The following SH3PXD2A variants were observed in gnomAD, a reference collection of about 807,000 sequenced individuals.
The protein encoded by SH3PXD2A is SH3 and PX domain-containing protein 2A.
In SH3PXD2A, 32 loss-of-function variants were observed where a neutral mutation model predicts 115.2. That is an observed-to-expected ratio of 0.28 (90% confidence interval 0.21 to 0.37). The LOEUF (loss-of-function observed/expected upper bound fraction) is 0.37. Among genes scored for constraint, SH3PXD2A ranks in the 10% least tolerant of loss-of-function variants. The probability of loss-of-function intolerance (pLI) is 1.00; values close to 1 mark genes in which losing one functional copy is unlikely to be tolerated. For missense variants in SH3PXD2A, 1,328 were observed against 1,498.7 expected, an observed-to-expected ratio of 0.89 and a Z score of 1.88; for synonymous variants, 610 against 629.1, an observed-to-expected ratio of 0.97 and a Z score of 0.45.
In SH3PXD2A at chr10:103,627,059, T is replaced by A; in HGVS notation, c.718+30A>T. On this transcript the variant is annotated intron_variant, in intron 9 of 14. Coordinates refer to ENST00000369774, the MANE Select transcript of SH3PXD2A (RefSeq NM_001394015.1). The surrounding 1 kb of genome is among the most constrained non-coding windows in gnomAD (Gnocchi z 4.4). ...GAGCTGCCTCCAGAGGCCGCGTTGC[T>A]CCCTGCCCCTTGGACCTGCAAGCCC... is the stretch of plus-strand genomic sequence containing the variant. 7.8e-7 allele frequency: 1 copy of A among 1,288,388 alleles called. No individual in the cohort carries two copies. Among genetic ancestry groups the A allele is most frequent in the Non-Finnish European group, 1.1e-6 (1 of 882,930 alleles). 79.8% of individuals were successfully genotyped at this position (1,288,388 alleles called of 1,614,324 possible). A position where few individuals can be genotyped will look rare whatever the true frequency, so the allele number is the denominator to read the frequency against.
chr10:103,636,033 C>T (rs563868398), intron 8 of SH3PXD2A, among the ~76,000 whole-genome samples: 15 of 152,302 alleles, frequency 9.8e-5, no homozygotes, highest in African/African-American at 2.4e-4. Flanking sequence ...TTCAGTGAAC[C>T]GGCCCAGCAG....
chr10:103,739,912 G>A lies in SH3PXD2A; in HGVS notation c.230-4104C>T, dbSNP rs555522740. ...TGGGGGCCTCCGGTGGGAGTCTGGG[G>A]TTCAAGTCCTACCTGGGCCACAGGC... On this transcript the variant is annotated intron_variant, in intron 3 of 14. Coordinates refer to ENST00000369774, the MANE Select transcript of SH3PXD2A (RefSeq NM_001394015.1). Among the ~76,000 whole-genome samples the A allele has an allele frequency of 1.6e-4, 24 of 152,250 alleles. 1 individual carries two copies. The South Asian group carries it at 4.8e-3, about 30-fold the overall frequency.
At chr10:103,757,614 A>G (rs1422183003) in intron 3 of SH3PXD2A, among the ~76,000 whole-genome samples, 2 of 151,952 alleles carry the variant, frequency 1.3e-5, no homozygotes, top group Non-Finnish European at 2.9e-5. Context: ...GGCTTGGGAG[A>G]CTGATCTACA....
intron 2 of SH3PXD2A, among the ~76,000 whole-genome samples, chr10:103,786,704 G>A (rs1214365628): frequency 2.6e-5 from 4 of 152,110 alleles, no homozygotes; most frequent in Admixed American, 6.5e-5. Flanking sequence ...AAAAATGGGG[G>A]AGAGTGGTGG....
chr10:103,651,456 A>T (rs990069324), intron 8 of SH3PXD2A, among the ~76,000 whole-genome samples: 1 of 152,242 alleles, frequency 6.6e-6, no homozygotes, highest in African/African-American at 2.4e-5. Context: ...CTCTGTGGCC[A>T]GGGAACTCAT....
intron 8 of SH3PXD2A, among the ~76,000 whole-genome samples, chr10:103,629,132 C>T (rs73333304): frequency 0.045 from 6,855 of 152,242 alleles, 506 homozygotes; most frequent in African/African-American, 0.15. Flanking sequence ...AGACCTCCTA[C>T]GCTGGGGACA....
intron 3 of SH3PXD2A, among the ~76,000 whole-genome samples, chr10:103,741,313 T>C (rs1441308327): frequency 6.6e-6 from 1 of 152,244 alleles, no homozygotes; most frequent in African/African-American, 2.4e-5. Context: ...CCCTTGGGCC[T>C]GCCTACTTAA....
intron 11 of SH3PXD2A, among the ~76,000 whole-genome samples, chr10:103,616,213 T>C (rs919120794): frequency 6.6e-5 from 10 of 152,172 alleles, no homozygotes; most frequent in Non-Finnish European, 1.3e-4. Flanking sequence ...CTGGGGCACA[T>C]TGGTGCCACT....
intron 13 of SH3PXD2A, 146 bp from the exon 14 acceptor site, chr10:103,606,063 A>G (rs2036295643): frequency 2.7e-6 from 2 of 733,680 alleles, no homozygotes; most frequent in South Asian, 1.8e-5. Flanking sequence ...CGTATCTATC[A>G]TGGGAGTCTC....
At chr10:103,659,685 G>A (rs1733564957) in intron 8 of SH3PXD2A, among the ~76,000 whole-genome samples, 2 of 152,340 alleles carry the variant, frequency 1.3e-5, no homozygotes, top group Admixed American at 1.3e-4. Context: ...GACCACCTTG[G>A]TGATGACTCC....
At chr10:103,719,458 C>T (rs980329016) in intron 5 of SH3PXD2A, among the ~76,000 whole-genome samples, 1 of 152,182 alleles carries the variant, frequency 6.6e-6, no homozygotes, top group African/African-American at 2.4e-5. Flanking sequence ...TCGTACTTAC[C>T]ATGTAAGACC....
intron 1 of SH3PXD2A, among the ~76,000 whole-genome samples, chr10:103,835,602 T>A (rs929354177): frequency 7.9e-5 from 12 of 152,156 alleles, no homozygotes; most frequent in African/African-American, 2.7e-4. Context: ...AGCTAGAATT[T>A]TCTACAGTCT....
At chr10:103,736,593 T>C (rs1021691102) in intron 3 of SH3PXD2A, among the ~76,000 whole-genome samples, 1 of 152,280 alleles carries the variant, frequency 6.6e-6, no homozygotes, top group African/African-American at 2.4e-5. Flanking sequence ...CGGCTGTCAA[T>C]GTCTAGGGCC....
chr10:103,838,424 G>A (rs889251301), intron 1 of SH3PXD2A, among the ~76,000 whole-genome samples: 1 of 152,180 alleles, frequency 6.6e-6, no homozygotes, highest in Non-Finnish European at 1.5e-5. Context: ...AGCACTGAGG[G>A]GGTAAGTGAC....
chr10:103,855,172 G>T (rs1564905416), intron 1 of SH3PXD2A, 23 bp downstream of exon 1: 2 of 1,514,294 alleles, frequency 1.3e-6, no homozygotes, highest in East Asian at 2.6e-5. Context: ...ACCCCCAGCA[G>T]GGTCGGCGGG....
At chr10:103,845,049 C>T (rs1308217567) in intron 1 of SH3PXD2A, among the ~76,000 whole-genome samples, 3 of 151,932 alleles carry the variant, frequency 2.0e-5, no homozygotes, top group African/African-American at 7.3e-5. Flanking sequence ...GTAGGCTGGG[C>T]GTGGTGGCTC....
In SH3PXD2A at chr10:103,595,613, G is replaced by A. The variant is rs930661375; in HGVS notation, c.*6203C>T. On this transcript the variant is annotated 3_prime_UTR_variant, in exon 15 of 15. Transcript: ENST00000369774. The stretch of plus-strand genomic sequence containing the variant: ...CTCTTGAGGCGCAGCCTATTGGCCA[G>A]GATGGAACTGGGAGCAAGGCGGGGA... 6.6e-6 allele frequency: 1 copy of A among 152,370 alleles called. No individual in the cohort carries two copies. Among genetic ancestry groups the A allele is most frequent in the African/African-American group, 2.4e-5 (1 of 41,450 alleles). 9.4% of individuals were successfully genotyped at this position (152,370 alleles called of 1,614,324 possible).
intron 13 of SH3PXD2A, among the ~76,000 whole-genome samples, chr10:103,607,208 G>A (rs1340080391): frequency 2.7e-5 from 4 of 150,842 alleles, no homozygotes; most frequent in Non-Finnish European, 4.4e-5. Context: ...GAGGTGAGGA[G>A]CCTCTCTGCC....
At chr10:103,760,800 C>T (rs1256419300) in intron 3 of SH3PXD2A, among the ~76,000 whole-genome samples, 1 of 152,006 alleles carries the variant, frequency 6.6e-6, no homozygotes, top group African/African-American at 2.4e-5. Context: ...TCAAGTGATC[C>T]TCCTGTTTCA....
Sources: allele counts gnomAD v4.1 joint callset (sites outside exome capture counted in the v4.1 genomes callset), GRCh38; gene constraint gnomAD v4.1.1; non-coding constraint Gnocchi (gnomAD v3.1); transcripts MANE v1.5; gene names NCBI Gene and HGNC (gene_info 2026-07-23, HGNC 2026-07-21).